PPP3CC: variants seen among roughly 807,000 people sequenced by gnomAD.
The protein encoded by PPP3CC is protein phosphatase 3 catalytic subunit gamma, also known as serine/threonine-protein phosphatase 2B catalytic subunit gamma isoform.
Under a neutral mutation model 60.3 loss-of-function variants are expected in PPP3CC, and 35 were observed. The ratio of observed to expected loss-of-function variants is 0.58; its 90% CI spans 0.44 to 0.77. The LOEUF (loss-of-function observed/expected upper bound fraction) is 0.77. Among genes scored for constraint, PPP3CC ranks in the 30% least tolerant of loss-of-function variants. PPP3CC has a pLI of 0.00. For synonymous variants in PPP3CC, 206 were observed against 224.3 expected, an observed-to-expected ratio of 0.92 and a Z score of 0.73; for missense variants, 570 against 628.9, an observed-to-expected ratio of 0.91 and a Z score of 1.00.
intron 3 of PPP3CC, among the ~76,000 whole-genome samples, chr8:22,477,037 G>A (rs770188916): frequency 6.6e-6 from 1 of 151,952 alleles, no homozygotes; most frequent in Non-Finnish European, 1.5e-5. Flanking sequence ...AAATAGTAAA[G>A]CCCATTTTTC....
chr8:22,536,730 G>C (rs1374969708), intron 12 of PPP3CC, among the ~76,000 whole-genome samples: 2 of 152,162 alleles, frequency 1.3e-5, no homozygotes, highest in Admixed American at 1.3e-4. Context: ...TGGAGTCTCA[G>C]TTCCACCAGC....
At chr8:22,483,651 G>A (rs949939248) in intron 3 of PPP3CC, among the ~76,000 whole-genome samples, 6 of 152,004 alleles carry the variant, frequency 3.9e-5, no homozygotes, top group African/African-American at 9.7e-5. Flanking sequence ...TATAAATTCC[G>A]TTTTCACAAA....
intron 1 of PPP3CC, among the ~76,000 whole-genome samples, chr8:22,470,802 C>T (rs1049881029): frequency 6.6e-6 from 1 of 152,146 alleles, no homozygotes; most frequent in Non-Finnish European, 1.5e-5. Flanking sequence ...AACCCTTACA[C>T]CTTGATGGTG....
intron 3 of PPP3CC, among the ~76,000 whole-genome samples, chr8:22,494,252 G>A (rs984237733): frequency 6.6e-6 from 1 of 152,166 alleles, no homozygotes; most frequent in Non-Finnish European, 1.5e-5. Context: ...ATCATGGCAG[G>A]AGACAAAAGG....
In PPP3CC at chr8:22,496,485, C is replaced by CTT. The variant is rs71206523; in HGVS notation, c.373-1487_373-1486dup. ...AAGTTAAATTAGGGAGAACTGTAAT[C>CTT]TTTTTTTTTTTTTTTTTTTTTTTTT... is the stretch of plus-strand genomic sequence containing the variant. On this transcript the variant is annotated intron_variant, in intron 3 of 13. Coordinates refer to ENST00000240139, the MANE Select transcript of PPP3CC (RefSeq NM_005605.5). Among the ~76,000 whole-genome samples, 259 of 43,582 alleles carry CTT rather than the reference C, an allele frequency of 5.9e-3. 69 individuals are homozygous for CTT. The highest frequency in any genetic ancestry group is 0.021 in the East Asian group (24 of 1,130). 28.6% of individuals were successfully genotyped at this position (43,582 alleles called of 152,430 possible).
At chr8:22,496,807 A>G (rs1268902064) in intron 3 of PPP3CC, among the ~76,000 whole-genome samples, 1 of 151,710 alleles carries the variant, frequency 6.6e-6, no homozygotes, top group East Asian at 1.9e-4. Context: ...GAGAACTGTA[A>G]TCTTTTCATG....
chr8:22,464,851 T>G (rs967890275), intron 1 of PPP3CC, among the ~76,000 whole-genome samples: 10 of 152,198 alleles, frequency 6.6e-5, no homozygotes, highest in African/African-American at 2.4e-4. Context: ...ATACCCACTT[T>G]ACTGGAGAAT....
chr8:22,452,065 G>C (rs1466846966), intron 1 of PPP3CC, among the ~76,000 whole-genome samples: 2 of 145,526 alleles, frequency 1.4e-5, no homozygotes, highest in African/African-American at 5.1e-5. Flanking sequence ...TCACTCTGTT[G>C]TCTAGGCTGG....
chr8:22,487,645 A>G (rs1838264903), intron 3 of PPP3CC, among the ~76,000 whole-genome samples: 3 of 152,260 alleles, frequency 2.0e-5, no homozygotes, highest in Non-Finnish European at 4.4e-5. Context: ...AAAAATAAAA[A>G]CAAAGTGCTT....
intron 9 of PPP3CC, among the ~76,000 whole-genome samples, chr8:22,528,170 G>A (rs1249541515): frequency 6.6e-6 from 1 of 152,126 alleles, no homozygotes; most frequent in Non-Finnish European, 1.5e-5. Context: ...GTTGGACGTA[G>A]GCCTGTTGGC....
At chr8:22,447,167 T>C (rs1019554920) in intron 1 of PPP3CC, among the ~76,000 whole-genome samples, 5 of 147,014 alleles carry the variant, frequency 3.4e-5, no homozygotes, top group African/African-American at 5.0e-5. Flanking sequence ...CGCCACCGTG[T>C]CCAACTAATT....
chr8:22,487,062 C>T (rs180739739), intron 3 of PPP3CC, among the ~76,000 whole-genome samples: 183 of 152,198 alleles, frequency 1.2e-3, no homozygotes, highest in Middle Eastern at 0.01. Context: ...ATTTAAATAT[C>T]TTACACAACA....
At chr8:22,471,835 A>T (rs549193634) in intron 1 of PPP3CC, among the ~76,000 whole-genome samples, 1 of 152,044 alleles carries the variant, frequency 6.6e-6, no homozygotes, top group Admixed American at 6.6e-5. Flanking sequence ...ATTTAAAACA[A>T]ATTTTTCTTG....
intron 1 of PPP3CC, among the ~76,000 whole-genome samples, chr8:22,442,528 C>T (rs376021494): frequency 3.3e-5 from 5 of 152,132 alleles, no homozygotes; most frequent in East Asian, 1.9e-4. Context: ...CCCCTCTCTC[C>T]CCAAATCAGC....
intron 6 of PPP3CC, among the ~76,000 whole-genome samples, chr8:22,515,143 G>A (rs981986005): frequency 6.6e-6 from 1 of 151,804 alleles, no homozygotes; most frequent in African/African-American, 2.4e-5. Flanking sequence ...CCAGCCTCTG[G>A]TAACCATCAT....
chr8:22,493,182 G>A (rs1563736663), intron 3 of PPP3CC: 2 of 1,197,714 alleles, frequency 1.7e-6, no homozygotes, highest in South Asian at 2.5e-5. Context: ...TATTATGACT[G>A]CTTTTTAAGA....
At chr8:22,452,951 C>A (rs1417834152) in intron 1 of PPP3CC, among the ~76,000 whole-genome samples, 1 of 152,232 alleles carries the variant, frequency 6.6e-6, no homozygotes, top group Non-Finnish European at 1.5e-5. Flanking sequence ...CCACTGTATC[C>A]TTAATGCTGA....
At chr8:22,499,662 A>G (rs1343459640) in intron 4 of PPP3CC, among the ~76,000 whole-genome samples, 1 of 152,222 alleles carries the variant, frequency 6.6e-6, no homozygotes, top group Non-Finnish European at 1.5e-5. Flanking sequence ...AACAAACAGT[A>G]TGATGCTGAC....
chr8:22,508,396 G>T (rs913949690), intron 4 of PPP3CC, among the ~76,000 whole-genome samples: 1 of 152,004 alleles, frequency 6.6e-6, no homozygotes, highest in African/African-American at 2.4e-5. Context: ...TTAAATACTG[G>T]TAATTATATA....
Sources: gnomAD v4.1 joint callset for allele counts (sites outside exome capture counted in the v4.1 genomes callset) on GRCh38, gnomAD v4.1.1 for gene constraint, MANE v1.5 for transcripts, NCBI Gene and HGNC (gene_info 2026-07-23, HGNC 2026-07-21) for gene names.